SCN3A: variants seen among roughly 807,000 people sequenced by gnomAD.
The protein encoded by SCN3A is sodium channel protein type 3 subunit alpha.
In SCN3A, 60 loss-of-function variants were observed where a neutral mutation model predicts 187.6. That is an observed-to-expected ratio of 0.32 (90% CI 0.26 to 0.40). The LOEUF (loss-of-function observed/expected upper bound fraction) is 0.40. SCN3A is among the 10% of genes least tolerant of loss of function. The pLI is 1.00. For missense variants in SCN3A, 1,601 were observed against 2,428.2 expected, an observed-to-expected ratio of 0.66 and a Z score of 7.16; for synonymous variants, 788 against 829.2, an observed-to-expected ratio of 0.95 and a Z score of 0.85.
At chr2:165,110,688 T>C (rs959778928) in intron 21 of SCN3A, among the ~76,000 whole-genome samples, 1 of 152,174 alleles carries the variant, frequency 6.6e-6, no homozygotes, top group Non-Finnish European at 1.5e-5. Context: ...ATTCATGTAT[T>C]TAACCCCTGC....
intron 1 of SCN3A, among the ~76,000 whole-genome samples, chr2:165,196,578 C>T (rs1231676018): frequency 6.6e-6 from 1 of 152,100 alleles, no homozygotes; most frequent in Non-Finnish European, 1.5e-5. Context: ...TCCGGAACAG[C>T]AACTGGGGTG....
chr2:165,157,549 C>T (rs956320906), intron 9 of SCN3A, among the ~76,000 whole-genome samples: 4 of 152,164 alleles, frequency 2.6e-5, no homozygotes, highest in African/African-American at 9.7e-5. Flanking sequence ...TGTTAACTTT[C>T]ACCACCTGTC....
chr2:165,192,279 A>G (rs1021675679), intron 1 of SCN3A, among the ~76,000 whole-genome samples: 4 of 152,154 alleles, frequency 2.6e-5, no homozygotes, highest in Non-Finnish European at 5.9e-5. Flanking sequence ...TTGAAAACAA[A>G]GCAAATTGAA....
At chr2:165,143,083 T>C (rs1375087752) in intron 12 of SCN3A, among the ~76,000 whole-genome samples, 2 of 150,914 alleles carry the variant, frequency 1.3e-5, no homozygotes, top group East Asian at 1.9e-4. Flanking sequence ...TTTGAGTGTA[T>C]GTGAATCACT....
Position 165,154,546 on chromosome 2 carries a change from TC to T in SCN3A, c.1285del (p.Glu429SerfsTer47). 1 of 1,614,058 alleles carries T rather than the reference TC, an allele frequency of 6.2e-7. No individual in the cohort carries two copies. Among genetic ancestry groups the T allele is most frequent in the East Asian group, 2.2e-5 (1 of 44,868 alleles). On this transcript the variant is annotated frameshift_variant, in exon 11 of 28. Transcript: ENST00000283254. LOFTEE classifies it high-confidence loss of function. ...ILAVVAMAYE[E>X]QNQATLEEAE... is the part of the protein sequence containing the mutation. Reference sequence around the variant, plus strand: ...TTCTTCCAAGGTGGCCTGATTCTGCTCCTCATAGGCCATGGCCACCACAGCC... The same window carrying T: ...TTCTTCCAAGGTGGCCTGATTCTGCTCTCATAGGCCATGGCCACCACAGCC...
chr2:165,155,792 A>C lies in SCN3A; in HGVS notation c.1143T>G (p.Thr381=). 1 of 1,614,128 alleles carries C rather than the reference A, an allele frequency of 6.2e-7. No individual in the cohort carries two copies. The highest frequency in any genetic ancestry group is 8.5e-7 in the Non-Finnish European group (1 of 1,180,008). The change falls in exon 10 of 28, where the codon ACT becomes ACG. Residue 381 remains threonine, a synonymous_variant. Transcript: ENST00000283254. ...GGTAAAGATTTTCCCAGTAGTCTTG[A>C]GTCATGAGTCGAAATAGAGACAGGA... is the stretch of plus-strand genomic sequence containing the variant. ...WAFLSLFRLM[T]QDYWENLYQL...
chr2:165,142,547 T>C (rs559548126), intron 12 of SCN3A, among the ~76,000 whole-genome samples: 7 of 152,320 alleles, frequency 4.6e-5, no homozygotes, highest in African/African-American at 1.7e-4. Context: ...TCAATTCCTG[T>C]AGCAGGTTTG....
rs2105833795 is a variant in SCN3A, at chr2:165,146,848, T to C, written c.1562A>G (p.Asp521Gly). The C allele has an allele frequency of 1.2e-6, 2 of 1,614,076 alleles. No individual in the cohort carries two copies. Among genetic ancestry groups the C allele is most frequent in the Non-Finnish European group, 1.7e-6 (2 of 1,179,976 alleles). ...HLEGNNKGER[D>G]SFPKSESEDS... is the part of the protein sequence containing the mutation. ...TTCAGATTCGGATTTGGGAAAGCTG[T>C]CTCTCTCTCCTTTGTTGTTTCCTTC... is the stretch of plus-strand genomic sequence containing the variant. Residue 521 changes from aspartate to glycine, a missense_variant, in exon 12 of 28, where the codon GAC becomes GGC. Asp to Gly is a moderately conservative substitution (Grantham distance 94). Coordinates refer to ENST00000283254, the MANE Select transcript of SCN3A (RefSeq NM_006922.4).
intron 22 of SCN3A, among the ~76,000 whole-genome samples, chr2:165,099,896 C>T (rs1006754066): frequency 6.6e-6 from 1 of 152,142 alleles, no homozygotes; most frequent in East Asian, 1.9e-4. Flanking sequence ...GCACACAAAA[C>T]CCATTTTACC....
chr2:165,131,988 A>G (rs1687356923), intron 15 of SCN3A, among the ~76,000 whole-genome samples: 1 of 151,784 alleles, frequency 6.6e-6, no homozygotes, highest in African/African-American at 2.4e-5. Context: ...CATTTTCTTA[A>G]TCCAGTCTAT....
At chr2:165,154,748 T>C (rs561383051) in intron 10 of SCN3A, 90 bp from the exon 11 acceptor site, 8 of 1,282,396 alleles carry the variant, frequency 6.2e-6, no homozygotes, top group Non-Finnish European at 9.0e-6. Flanking sequence ...GTCAGTAGAC[T>C]AATTAGCTTT....
At chr2:165,166,925 A>C (rs1689799409) in intron 5 of SCN3A, among the ~76,000 whole-genome samples, 1 of 150,842 alleles carries the variant, frequency 6.6e-6, no homozygotes, top group South Asian at 2.1e-4. Context: ...TTTGAAACAG[A>C]GTTTCGCTCT....
intron 21 of SCN3A, among the ~76,000 whole-genome samples, chr2:165,106,465 G>A (rs955731729): frequency 6.6e-6 from 1 of 152,148 alleles, no homozygotes; most frequent in African/African-American, 2.4e-5. Flanking sequence ...TTTATGAAGT[G>A]TGTAATTATG....
intron 1 of SCN3A, among the ~76,000 whole-genome samples, chr2:165,193,766 T>A (rs966350100): frequency 6.6e-6 from 1 of 152,146 alleles, no homozygotes; most frequent in African/African-American, 2.4e-5. Context: ...CGGTGTTGAC[T>A]ACTCCACATG....
intron 21 of SCN3A, among the ~76,000 whole-genome samples, chr2:165,105,206 G>A (rs1685788609): frequency 6.6e-6 from 1 of 152,172 alleles, no homozygotes; most frequent in Non-Finnish European, 1.5e-5. Flanking sequence ...TCAGAGAGCA[G>A]AATAAAATAC....
intron 1 of SCN3A, among the ~76,000 whole-genome samples, chr2:165,202,271 T>C (rs1413959388): frequency 1.3e-5 from 2 of 152,032 alleles, no homozygotes; most frequent in Middle Eastern, 3.2e-3. Context: ...GATGAATAAC[T>C]AAGAGACTGT....
Position 165,138,037 on chromosome 2 carries a change from C to T in SCN3A, c.2233G>A (p.Ala745Thr), listed in dbSNP as rs1271683392. Residue 745 changes from alanine (A) to threonine (T), a missense_variant, in exon 15 of 28, where the codon GCA becomes ACA. Ala to Thr is a moderately conservative substitution (Grantham distance 58, BLOSUM62 0). Around this residue, in one of 11 missense-constraint regions of SCN3A, gnomAD observed 376 missense variants for 476.0 expected, o/e 0.79. Transcript: ENST00000283254. ...NVFLIWDCCDAWLKVKHLVNL... is the reference protein window; with the variant it reads ...NVFLIWDCCDTWLKVKHLVNL... ...ACAAGATGTTTTACTTTTAACCATGCATCACAGCAGTCCCAGATCAAGAAC... is the reference window on the plus strand; with the variant it reads ...ACAAGATGTTTTACTTTTAACCATGTATCACAGCAGTCCCAGATCAAGAAC... 7 of 1,613,432 alleles carry T rather than the reference C, an allele frequency of 4.3e-6. No homozygotes were observed. The African/African-American group carries it at 6.7e-5, about 15-fold the overall frequency.
intron 1 of SCN3A, among the ~76,000 whole-genome samples, chr2:165,189,528 C>T (rs1408370627): frequency 6.6e-6 from 1 of 152,168 alleles, no homozygotes; most frequent in African/African-American, 2.4e-5. Flanking sequence ...GCTCAAACAG[C>T]ATGATAGAAA....
intron 9 of SCN3A, among the ~76,000 whole-genome samples, chr2:165,156,270 G>A (rs1000404700): frequency 2.6e-5 from 4 of 151,914 alleles, no homozygotes; most frequent in Non-Finnish European, 5.9e-5. Flanking sequence ...ACTTTGGGAG[G>A]CCAAGGCGGG....
Sources: gnomAD v4.1 joint callset for allele counts (sites outside exome capture counted in the v4.1 genomes callset) on GRCh38, gnomAD v4.1.1 for gene constraint, gnomAD v4.1.1 regional missense constraint, MANE v1.5 for transcripts, NCBI Gene and HGNC (gene_info 2026-07-23, HGNC 2026-07-21) for gene names.